ACTL8: variants seen among roughly 807,000 people sequenced by gnomAD.
The protein encoded by ACTL8 is actin like 8.
ACTL8 carries 3 observed loss-of-function variants against 9.3 expected under a neutral mutation model. The observed-to-expected ratio is 0.32, with a 90% CI of 0.15 to 0.83. The LOEUF is 0.83. ACTL8 is among the 40% of genes least tolerant of loss of function. The pLI, the probability that ACTL8 is intolerant of heterozygous loss-of-function variation, is 0.57. For missense variants in ACTL8, 381 were observed against 492.2 expected (o/e 0.77, Z 2.14); for synonymous variants, 224 against 205.9 (o/e 1.09, Z -0.75).
At chr1:17,778,638 G>A (rs2066132687) in intron 1 of ACTL8, among the ~76,000 whole-genome samples, 1 of 152,204 alleles carries the variant, frequency 6.6e-6, no homozygotes, top group Non-Finnish European at 1.5e-5. Context: ...TGGATTTGCT[G>A]TGTGGCTTTA....
intron 1 of ACTL8, among the ~76,000 whole-genome samples, chr1:17,772,295 G>A (rs141035997): frequency 4.6e-5 from 7 of 152,176 alleles, no homozygotes; most frequent in African/African-American, 9.7e-5. Flanking sequence ...AGTTATGAGC[G>A]GTGGGAGGGT....
chr1:17,801,445 T>G (rs961139489), intron 1 of ACTL8, among the ~76,000 whole-genome samples: 1 of 152,226 alleles, frequency 6.6e-6, no homozygotes, highest in African/African-American at 2.4e-5. Context: ...GATGGCCAAA[T>G]TTAATGATTA....
chr1:17,779,868 G>C (rs1036014507), intron 1 of ACTL8, among the ~76,000 whole-genome samples: 3 of 152,130 alleles, frequency 2.0e-5, no homozygotes, highest in African/African-American at 7.2e-5. Flanking sequence ...CCTGGCTAGG[G>C]GTAAGCACTA....
chr1:17,790,348 C>T (rs777547550), intron 1 of ACTL8, among the ~76,000 whole-genome samples: 4 of 152,230 alleles, frequency 2.6e-5, no homozygotes, highest in Non-Finnish European at 5.9e-5. Context: ...GTTTGTGTTA[C>T]AGCTCTTTTA....
At chr1:17,758,283 G>A (rs2065980289) in intron 1 of ACTL8, among the ~76,000 whole-genome samples, 1 of 152,242 alleles carries the variant, frequency 6.6e-6, no homozygotes, top group Non-Finnish European at 1.5e-5. Context: ...TGTATGGGAA[G>A]GCAGAATGCC....
chr1:17,772,357 GC>G (rs1208573774), intron 1 of ACTL8, among the ~76,000 whole-genome samples: 1 of 152,126 alleles, frequency 6.6e-6, no homozygotes, highest in Non-Finnish European at 1.5e-5. Context: ...CAGAAGGTGG[GC>G]TGTTACTCGG....
At chr1:17,814,869 C>A (rs1352710871) in intron 1 of ACTL8, among the ~76,000 whole-genome samples, 1 of 152,192 alleles carries the variant, frequency 6.6e-6, no homozygotes, top group Non-Finnish European at 1.5e-5. Flanking sequence ...CAATACATAC[C>A]ATTATGTTAC....
rs2053728776 is a variant in ACTL8 at position 17,826,925 on chromosome 1, TG to T, written c.*411del. The stretch of plus-strand genomic sequence containing the variant: ...GTCCCAATTATTTTTGACTAGGGGA[TG>T]GGGGACAGTTGACATTTCTGGTCCT... On this transcript the variant is annotated 3_prime_UTR_variant, in exon 3 of 3. Coordinates refer to ENST00000375406, the MANE Select transcript of ACTL8 (RefSeq NM_030812.3). This position sits in a 1 kb window ranked among gnomAD's most constrained non-coding sequence, Gnocchi z 4.5. The T allele has an allele frequency of 6.4e-6, 1 of 155,992 alleles. No individual in the cohort carries two copies. Among genetic ancestry groups the T allele is most frequent in the African/African-American group, 2.4e-5 (1 of 41,572 alleles). 9.7% of individuals were successfully genotyped at this position (155,992 alleles called of 1,614,324 possible).
intron 1 of ACTL8, among the ~76,000 whole-genome samples, chr1:17,792,865 A>C (rs1343677356): frequency 6.6e-6 from 1 of 152,228 alleles, no homozygotes. Context: ...GGCAGACTGA[A>C]GATCCCAGAG....
chr1:17,762,632 C>G (rs1326526336), intron 1 of ACTL8, among the ~76,000 whole-genome samples: 2 of 152,112 alleles, frequency 1.3e-5, no homozygotes, highest in Non-Finnish European at 2.9e-5. Flanking sequence ...CCCCTGGTCC[C>G]CGATATCGAA....
chr1:17,785,685 C>G (rs747980229), intron 1 of ACTL8, among the ~76,000 whole-genome samples: 56 of 152,200 alleles, frequency 3.7e-4, no homozygotes, highest in Non-Finnish European at 5.3e-4. Flanking sequence ...TATTCTTCAT[C>G]TCAATCTTCA....
chr1:17,786,019 T>C (rs1171780492), intron 1 of ACTL8, among the ~76,000 whole-genome samples: 2 of 152,210 alleles, frequency 1.3e-5, no homozygotes, highest in Non-Finnish European at 2.9e-5. Context: ...GACTGAGGGC[T>C]CCAGCCTATT....
chr1:17,801,398 A>G (rs908864924), intron 1 of ACTL8, among the ~76,000 whole-genome samples: 2 of 152,246 alleles, frequency 1.3e-5, no homozygotes, highest in African/African-American at 2.4e-5. Flanking sequence ...TATCTGAGAA[A>G]TATACGTTGA....
At chr1:17,792,253 C>T (rs1282671791) in intron 1 of ACTL8, among the ~76,000 whole-genome samples, 2 of 152,220 alleles carry the variant, frequency 1.3e-5, no homozygotes, top group Admixed American at 1.3e-4. Context: ...CCGACTCTGA[C>T]CTTCCTAACG....
At chr1:17,802,560 T>C (rs534470859) in intron 1 of ACTL8, among the ~76,000 whole-genome samples, 1 of 152,168 alleles carries the variant, frequency 6.6e-6, no homozygotes, top group South Asian at 2.1e-4. Context: ...AGAGCTGGGG[T>C]GTGACCTCAG....
At chr1:17,811,557 T>A (rs1310638720) in intron 1 of ACTL8, among the ~76,000 whole-genome samples, 4 of 152,220 alleles carry the variant, frequency 2.6e-5, no homozygotes, top group Non-Finnish European at 2.9e-5. Context: ...GATGTTCTTA[T>A]GTTTTTTGCA....
chr1:17,755,534 T>C (rs559212481), intron 1 of ACTL8, 30 bp downstream of exon 1: 4 of 151,396 alleles, frequency 2.6e-5, no homozygotes, highest in Non-Finnish European at 5.9e-5. Flanking sequence ...TTTCTAACTT[T>C]GGCTGGTTGT....
At chr1:17,789,692 A>G (rs1019217144) in intron 1 of ACTL8, among the ~76,000 whole-genome samples, 7 of 152,170 alleles carry the variant, frequency 4.6e-5, no homozygotes, top group African/African-American at 1.7e-4. Flanking sequence ...TTTTGTAGGT[A>G]AGAAACTTGG....
At chr1:17,760,887 C>T (rs563272166) in intron 1 of ACTL8, among the ~76,000 whole-genome samples, 7 of 152,284 alleles carry the variant, frequency 4.6e-5, no homozygotes, top group African/African-American at 7.2e-5. Context: ...GAAGAATTTA[C>T]GAGAGTTATT....
Sources: gnomAD v4.1 joint callset for allele counts (sites outside exome capture counted in the v4.1 genomes callset) on GRCh38, gnomAD v4.1.1 for gene constraint, Gnocchi (gnomAD v3.1) non-coding constraint, MANE v1.5 for transcripts, NCBI Gene and HGNC (gene_info 2026-07-23, HGNC 2026-07-21) for gene names.